PPP3R1: variants seen among roughly 807,000 people sequenced by gnomAD.
PPP3R1 encodes calcineurin subunit B type 1.
In PPP3R1, 5 loss-of-function variants were observed where a neutral mutation model predicts 22.6. That is an observed-to-expected ratio of 0.22 (90% CI 0.12 to 0.46). PPP3R1 has a LOEUF of 0.46. PPP3R1 is among the 20% of genes least tolerant of loss of function. The pLI is 0.99. For missense variants in PPP3R1, 61 were observed against 203.2 expected (o/e 0.30, Z 4.25); for synonymous variants, 56 against 65.2 (o/e 0.86, Z 0.68).
In PPP3R1 at chr2:68,252,163, G is replaced by A. The variant is rs1670379083; in HGVS notation, c.-36C>T. Reference sequence around the variant, plus strand: ...GGGTCGGCGGCTCGCTGGCTCGCTGGCTCGGAGAAGTGTTGCGCTCAGGCT... The same window carrying A: ...GGGTCGGCGGCTCGCTGGCTCGCTGACTCGGAGAAGTGTTGCGCTCAGGCT... On this transcript the variant is annotated 5_prime_UTR_variant, in exon 1 of 6. Transcript: ENST00000234310. The A allele has an allele frequency of 1.4e-6, 2 of 1,404,136 alleles. No individual in the cohort carries two copies. The highest frequency in any genetic ancestry group is 1.9e-6 in the Non-Finnish European group (2 of 1,057,002). The allele number at this position is 1,404,136 out of a possible 1,614,324, so 87.0% of individuals were successfully genotyped here. A position where few individuals can be genotyped will look rare whatever the true frequency, so the allele number is the denominator to read the frequency against.
At position 68,182,076 on chromosome 2, in the gene PPP3R1, C is replaced by T. The variant is rs1354401097; in HGVS notation, c.466-1066G>A. 8.7e-5 allele frequency among the ~76,000 whole-genome samples: 6 copies of T among 69,254 alleles called. 1 individual carries two copies. Among genetic ancestry groups the T allele is most frequent in the Non-Finnish European group, 1.2e-4 (5 of 40,980 alleles). The allele number at this position is 69,254 out of a possible 152,430, so 45.4% of individuals were successfully genotyped here. On this transcript the variant is annotated intron_variant, in intron 5 of 5. Coordinates refer to ENST00000234310, the MANE Select transcript of PPP3R1 (RefSeq NM_000945.4). ...CAGACATCTCCCCTCCTCCAACCCC[C>T]CCCTCCCCCCACCACACACACACGA...
At chr2:68,226,329 C>G (rs1669780427) in intron 1 of PPP3R1, among the ~76,000 whole-genome samples, 1 of 152,120 alleles carries the variant, frequency 6.6e-6, no homozygotes, top group African/African-American at 2.4e-5. Context: ...GTAAGTTGTA[C>G]CTCAATAAAG....
chr2:68,252,020 T>G (rs2103825074), intron 1 of PPP3R1, 105 bp downstream of exon 1: 1 of 1,165,978 alleles, frequency 8.6e-7, no homozygotes, highest in African/African-American at 1.6e-5. Flanking sequence ...TCTGGAATTT[T>G]CCACGGGGGA....
intron 1 of PPP3R1, among the ~76,000 whole-genome samples, chr2:68,219,575 C>T (rs1669646403): frequency 6.6e-6 from 1 of 152,128 alleles, no homozygotes; most frequent in South Asian, 2.1e-4. Context: ...AAAAAATACA[C>T]ATCAGTTTGT....
intron 2 of PPP3R1, among the ~76,000 whole-genome samples, chr2:68,196,196 G>A (rs923573452): frequency 4.6e-5 from 7 of 152,150 alleles, no homozygotes; most frequent in African/African-American, 1.7e-4. Flanking sequence ...ATCAACAGAA[G>A]TTACTGAGAA....
intron 5 of PPP3R1, among the ~76,000 whole-genome samples, chr2:68,181,636 T>C (rs1246710978): frequency 1.3e-5 from 2 of 149,926 alleles, no homozygotes; most frequent in African/African-American, 2.5e-5. Context: ...GTAAAAACGA[T>C]TCTTAGTTCA....
At chr2:68,208,928 T>G (rs67776021) in intron 2 of PPP3R1, among the ~76,000 whole-genome samples, 3 of 11,556 alleles carry the variant, frequency 2.6e-4, no homozygotes, top group Non-Finnish European at 3.8e-4. Context: ...AAAAAAAAAA[T>G]TTTTTTTTTT....
chr2:68,209,133 C>T (rs369007345), intron 2 of PPP3R1, among the ~76,000 whole-genome samples: 8 of 149,422 alleles, frequency 5.4e-5, no homozygotes, highest in Non-Finnish European at 8.9e-5. Flanking sequence ...CCGAGGCGGG[C>T]GGATCACGAG....
At chr2:68,231,510 A>G (rs978769214) in intron 1 of PPP3R1, among the ~76,000 whole-genome samples, 4 of 152,198 alleles carry the variant, frequency 2.6e-5, no homozygotes, top group Admixed American at 6.5e-5. Context: ...TATTCTATGA[A>G]AAAAAGCAGC....
intron 1 of PPP3R1, among the ~76,000 whole-genome samples, chr2:68,220,773 A>G (rs1296699644): frequency 6.6e-6 from 1 of 152,238 alleles, no homozygotes; most frequent in African/African-American, 2.4e-5. Flanking sequence ...GCCACATTTT[A>G]TGATTCCATT....
rs546669120 is a variant in PPP3R1 at position 68,227,836 on chromosome 2, G to A, written c.4-10705C>T. Among the ~76,000 whole-genome samples the A allele has an allele frequency of 7.3e-5, 11 of 151,582 alleles. No homozygotes were observed. In the South Asian group the frequency reaches 2.1e-3, roughly 29 times the overall value. On this transcript the variant is annotated intron_variant, in intron 1 of 5. Transcript: ENST00000234310. ...TTTATCTTGTATTGTGCACAATTTC[G>A]CCGAACTTATTCATTAGTACTTTTA...
chr2:68,223,462 C>A (rs1439481672), intron 1 of PPP3R1, among the ~76,000 whole-genome samples: 1 of 151,992 alleles, frequency 6.6e-6, no homozygotes, highest in African/African-American at 2.4e-5. Flanking sequence ...TGTAAAAATC[C>A]TTAAAAATAT....
At chr2:68,217,039 C>CGGAG (rs1553407217) in intron 2 of PPP3R1, 53 bp downstream of exon 2, 10 of 1,085,470 alleles carry the variant, frequency 9.2e-6, no homozygotes, top group African/African-American at 1.6e-5. Context: ...CACACACACA[C>CGGAG]AGAGAGAGAT....
intron 2 of PPP3R1, among the ~76,000 whole-genome samples, chr2:68,195,584 G>A (rs182706223): frequency 6.6e-6 from 1 of 152,070 alleles, no homozygotes; most frequent in Admixed American, 6.5e-5. Flanking sequence ...ACCTAATTTT[G>A]GCATCCATCA....
In PPP3R1 at chr2:68,212,134, G is replaced by A. The variant is rs567251338; in HGVS notation, c.43+4958C>T. The stretch of plus-strand genomic sequence containing the variant: ...CTCGCTCTGTCGCCCAGGCTGGAGC[G>A]CAGTAGTGTGATCTCTGCTCACTGC... On this transcript the variant is annotated intron_variant, in intron 2 of 5. Coordinates refer to ENST00000234310, the MANE Select transcript of PPP3R1 (RefSeq NM_000945.4). Among the ~76,000 whole-genome samples the A allele has an allele frequency of 1.8e-3, 267 of 152,200 alleles. 3 individuals are homozygous for A. The highest frequency in any genetic ancestry group is 1.6e-3 in the Non-Finnish European group (108 of 68,006).
In PPP3R1 at chr2:68,252,222, C is replaced by A. The variant is rs944494926; in HGVS notation, c.-95G>T. 2 of 1,169,190 alleles carry A rather than the reference C, an allele frequency of 1.7e-6. No homozygotes were observed. Among genetic ancestry groups the A allele is most frequent in the South Asian group, 5.2e-5 (2 of 38,426 alleles). The allele number at this position is 1,169,190 out of a possible 1,614,324, so 72.4% of individuals were successfully genotyped here. ...GGAAACGGCGGCGGCGGCCCAGCTG[C>A]GGCCCTCGGGTCGCCGGCGGGGAGG... On this transcript the variant is annotated 5_prime_UTR_variant, in exon 1 of 6. Coordinates refer to ENST00000234310, the MANE Select transcript of PPP3R1 (RefSeq NM_000945.4).
intron 1 of PPP3R1, among the ~76,000 whole-genome samples, chr2:68,222,467 A>G (rs967076086): frequency 6.6e-6 from 1 of 152,200 alleles, no homozygotes; most frequent in South Asian, 2.1e-4. Flanking sequence ...GAACTAAGTA[A>G]AACTGATTGG....
chr2:68,193,795 T>G (rs1341561556), intron 2 of PPP3R1, among the ~76,000 whole-genome samples: 3 of 152,162 alleles, frequency 2.0e-5, no homozygotes, highest in African/African-American at 7.2e-5. Flanking sequence ...AAACCCATCT[T>G]GTTAGCACCA....
chr2:68,210,427 C>T (rs1225651082), intron 2 of PPP3R1, among the ~76,000 whole-genome samples: 1 of 152,172 alleles, frequency 6.6e-6, no homozygotes, highest in Admixed American at 6.5e-5. Flanking sequence ...GCAATTTGGT[C>T]TACCAAAGTT....
Sources: gnomAD v4.1 joint callset for allele counts (sites outside exome capture counted in the v4.1 genomes callset) on GRCh38, gnomAD v4.1.1 for gene constraint, MANE v1.5 for transcripts, NCBI Gene and HGNC (gene_info 2026-07-23, HGNC 2026-07-21) for gene names.